Variants in LSAMP observed in about 807,000 individuals in gnomAD.
LSAMP encodes limbic system associated membrane protein.
Under a neutral mutation model 38.6 loss-of-function variants are expected in LSAMP, and 7 were observed. The ratio of observed to expected loss-of-function variants is 0.18; its 90% confidence interval spans 0.10 to 0.34. The LOEUF is 0.34. Among genes scored for constraint, LSAMP ranks in the 10% least tolerant of loss-of-function variants. The probability of loss-of-function intolerance (pLI) is 1.00; values close to 1 mark genes in which losing one functional copy is unlikely to be tolerated. For missense variants in LSAMP, 313 were observed against 420.0 expected (o/e 0.75, Z 2.23); for synonymous variants, 154 against 166.8 (o/e 0.92, Z 0.59).
chr3:116,232,811 T>G (rs1449859320), intron 1 of LSAMP, among the ~76,000 whole-genome samples: 1 of 149,242 alleles, frequency 6.7e-6, no homozygotes, highest in Non-Finnish European at 1.5e-5. Context: ...TTAGGTTAAA[T>G]GAACCTAGCT....
At chr3:116,235,600 GA>G (rs1362456215) in intron 1 of LSAMP, among the ~76,000 whole-genome samples, 1 of 152,122 alleles carries the variant, frequency 6.6e-6, no homozygotes, top group Non-Finnish European at 1.5e-5. Context: ...ATCAATAAAG[GA>G]AAAGGAAATG....
intron 2 of LSAMP, among the ~76,000 whole-genome samples, chr3:116,048,595 G>C (rs1200084264): frequency 6.6e-6 from 1 of 152,166 alleles, no homozygotes; most frequent in East Asian, 1.9e-4. Context: ...TCTTTTGTGT[G>C]AGCTACTTTT....
chr3:116,284,486 C>T (rs1289829600), intron 1 of LSAMP, among the ~76,000 whole-genome samples: 1 of 152,162 alleles, frequency 6.6e-6, no homozygotes, highest in Non-Finnish European at 1.5e-5. Flanking sequence ...TCTGGTTTAA[C>T]AATTAACAAT....
chr3:115,893,143 G>A (rs1936643389), intron 3 of LSAMP, among the ~76,000 whole-genome samples: 1 of 151,960 alleles, frequency 6.6e-6, no homozygotes, highest in Non-Finnish European at 1.5e-5. Context: ...ACTGGGGCCT[G>A]TCGGGGAGTG....
chr3:116,117,058 T>TA (rs1430731300), intron 1 of LSAMP, among the ~76,000 whole-genome samples: 1 of 152,264 alleles, frequency 6.6e-6, no homozygotes, highest in Non-Finnish European at 1.5e-5. Flanking sequence ...GGTGGTTGTC[T>TA]TAAGCCACTA....
At chr3:115,813,699 G>A (rs554984020) in intron 6 of LSAMP, among the ~76,000 whole-genome samples, 1 of 152,290 alleles carries the variant, frequency 6.6e-6, no homozygotes, top group Non-Finnish European at 1.5e-5. Flanking sequence ...CATCACAAGT[G>A]TGTATGCAAT....
intron 3 of LSAMP, among the ~76,000 whole-genome samples, chr3:115,918,240 C>A (rs1001897239): frequency 1.1e-4 from 17 of 152,120 alleles, no homozygotes; most frequent in African/African-American, 3.9e-4. Context: ...AGGATAAGAC[C>A]ACATTATTCC....
intron 2 of LSAMP, among the ~76,000 whole-genome samples, chr3:116,083,320 C>T (rs1185175650): frequency 1.3e-5 from 2 of 152,212 alleles, no homozygotes; most frequent in Non-Finnish European, 2.9e-5. Context: ...AAAACATGAT[C>T]TCCAGACACT....
At chr3:116,138,480 G>A (rs565740379) in intron 1 of LSAMP, among the ~76,000 whole-genome samples, 4 of 151,914 alleles carry the variant, frequency 2.6e-5, no homozygotes, top group Non-Finnish European at 4.4e-5. Flanking sequence ...AAAGATTGAC[G>A]CAATTGATCT....
At chr3:115,999,263 T>C (rs997191944) in intron 3 of LSAMP, among the ~76,000 whole-genome samples, 3 of 152,122 alleles carry the variant, frequency 2.0e-5, no homozygotes, top group African/African-American at 7.2e-5. Context: ...TTCTTTTCCC[T>C]CCATGGGAAG....
chr3:115,811,296 T>C (rs1263305108), intron 6 of LSAMP, among the ~76,000 whole-genome samples: 2 of 152,094 alleles, frequency 1.3e-5, no homozygotes, highest in Non-Finnish European at 2.9e-5. Context: ...AAGGGGCTTG[T>C]GTGTTCATAA....
At position 116,301,279 on chromosome 3, in the gene LSAMP, C is replaced by G. The variant is rs547325081; in HGVS notation, c.155+143598G>C. 7.2e-5 allele frequency among the ~76,000 whole-genome samples: 11 copies of G among 152,250 alleles called. No homozygotes were observed. In the South Asian group the frequency reaches 2.3e-3, roughly 32 times the overall value. On this transcript the variant is annotated intron_variant, in intron 1 of 6. Coordinates refer to ENST00000490035, the MANE Select transcript of LSAMP (RefSeq NM_002338.5). ...AGTAGATCATTAAATTACTTGTAGGCTACAGCTGAAAATATGACCCTCTGA... is the reference window on the plus strand; with the variant it reads ...AGTAGATCATTAAATTACTTGTAGGGTACAGCTGAAAATATGACCCTCTGA...
intron 3 of LSAMP, among the ~76,000 whole-genome samples, chr3:115,975,238 A>T (rs1939149968): frequency 6.6e-6 from 1 of 152,106 alleles, no homozygotes; most frequent in African/African-American, 2.4e-5. Context: ...TGGGCAACAC[A>T]GTGAGACCCC....
chr3:116,437,304 A>G (rs768874121), intron 1 of LSAMP, among the ~76,000 whole-genome samples: 19 of 152,102 alleles, frequency 1.2e-4, no homozygotes, highest in Non-Finnish European at 2.1e-4. Flanking sequence ...GGTGCAGTGT[A>G]TACTGCTCGG....
intron 1 of LSAMP, among the ~76,000 whole-genome samples, chr3:116,223,243 T>C (rs2046308894): frequency 6.6e-6 from 1 of 152,180 alleles, no homozygotes; most frequent in Admixed American, 6.5e-5. Flanking sequence ...GAATAAGTAA[T>C]AGAAATTCCA....
intron 3 of LSAMP, among the ~76,000 whole-genome samples, chr3:116,013,068 A>G (rs1414178245): frequency 6.6e-6 from 1 of 152,176 alleles, no homozygotes; most frequent in Non-Finnish European, 1.5e-5. Flanking sequence ...CATGTCTTGG[A>G]GCATTGATGT....
intron 1 of LSAMP, among the ~76,000 whole-genome samples, chr3:116,316,778 G>GAAAAAAAAA (rs35294836): frequency 2.5e-5 from 3 of 119,008 alleles, no homozygotes; most frequent in Non-Finnish European, 3.4e-5. Context: ...CTCAAAAAAA[G>GAAAAAAAAA]AAAAAAAAAA....
chr3:116,236,346 T>C (rs1003234117), intron 1 of LSAMP, among the ~76,000 whole-genome samples: 8 of 152,162 alleles, frequency 5.3e-5, no homozygotes, highest in Admixed American at 5.2e-4. Flanking sequence ...TCTAGGCCAG[T>C]AATGTGTAGT....
chr3:116,030,725 G>A (rs373911683), intron 2 of LSAMP, among the ~76,000 whole-genome samples: 9 of 152,072 alleles, frequency 5.9e-5, no homozygotes, highest in Non-Finnish European at 1.2e-4. Context: ...TTCCAACTGC[G>A]AAATGGCACC....
Sources: allele counts gnomAD v4.1 joint callset (sites outside exome capture counted in the v4.1 genomes callset), GRCh38; gene constraint gnomAD v4.1.1; transcripts MANE v1.5; gene names NCBI Gene and HGNC (gene_info 2026-07-23, HGNC 2026-07-21).